Variants in LIN28B observed in about 807,000 individuals in gnomAD.
LIN28B encodes protein lin-28 homolog B.
Under a neutral mutation model 21.9 loss-of-function variants are expected in LIN28B, and 5 were observed. The observed-to-expected ratio is 0.23, with a 90% CI of 0.12 to 0.48. LIN28B has a LOEUF of 0.48. LIN28B is among the 20% of genes least tolerant of loss of function. The pLI, the probability that LIN28B is intolerant of heterozygous loss-of-function variation, is 0.98. For synonymous variants in LIN28B, 109 were observed against 111.3 expected (o/e 0.98, Z 0.13); for missense variants, 245 against 310.5 (o/e 0.79, Z 1.58).
chr6:104,976,588 A>G (rs755512333), intron 2 of LIN28B, among the ~76,000 whole-genome samples: 12 of 152,226 alleles, frequency 7.9e-5, no homozygotes, highest in South Asian at 2.1e-4. Context: ...AAGTGCCAAG[A>G]TAACAGCATT....
chr6:105,036,723 T>A (rs1562101265), intron 3 of LIN28B, among the ~76,000 whole-genome samples: 1 of 152,174 alleles, frequency 6.6e-6, no homozygotes, highest in Non-Finnish European at 1.5e-5. Flanking sequence ...CTGATTATAA[T>A]AAATAATAAA....
chr6:105,052,388 A>G (rs186625284), intron 3 of LIN28B, among the ~76,000 whole-genome samples: 1 of 152,188 alleles, frequency 6.6e-6, no homozygotes, highest in African/African-American at 2.4e-5. Context: ...GAAGTCCAAG[A>G]TCAAGGGGCA....
At chr6:104,950,210 T>G (rs1478760507) in intron 2 of LIN28B, among the ~76,000 whole-genome samples, 2 of 152,278 alleles carry the variant, frequency 1.3e-5, no homozygotes, top group East Asian at 3.9e-4. Context: ...ATCTTTTGAC[T>G]GCATCTTAAT....
intron 2 of LIN28B, among the ~76,000 whole-genome samples, chr6:104,991,197 C>T (rs1384612276): frequency 2.0e-5 from 3 of 150,688 alleles, no homozygotes; most frequent in African/African-American, 4.9e-5. Context: ...ACGCCCCCCA[C>T]CTCCCTCCCA....
In LIN28B at chr6:105,005,480, T is replaced by C. The variant is rs1459836958; in HGVS notation, c.199-20818T>C. On this transcript the variant is annotated intron_variant, in intron 2 of 3. Transcript: ENST00000345080. The stretch of plus-strand genomic sequence containing the variant: ...TAACCTTTTTTACTCTTTGATATGG[T>C]TTCAATTTGTGTCCCTGCCCAAGTC... 2.0e-5 allele frequency among the ~76,000 whole-genome samples: 3 copies of C among 152,204 alleles called. No individual in the cohort carries two copies. The East Asian group carries it at 5.8e-4, about 29-fold the overall frequency.
chr6:104,970,888 C>G (rs1268812304), intron 2 of LIN28B, among the ~76,000 whole-genome samples: 2 of 152,122 alleles, frequency 1.3e-5, no homozygotes, highest in African/African-American at 4.8e-5. Context: ...AAAATCCTAT[C>G]CACCTCCTGT....
At chr6:104,959,594 T>C (rs1355226179) in intron 2 of LIN28B, among the ~76,000 whole-genome samples, 1 of 152,208 alleles carries the variant, frequency 6.6e-6, no homozygotes, top group Non-Finnish European at 1.5e-5. Context: ...GCTGTTTATA[T>C]GTGGAAGGAT....
At chr6:105,026,206 A>C in intron 2 of LIN28B, 92 bp from the exon 3 acceptor site, 1 of 644,092 alleles carries the variant, frequency 1.6e-6, no homozygotes, top group East Asian at 3.0e-5. Flanking sequence ...ATGACAGAGT[A>C]TCTTTCTTTT....
chr6:104,958,574 T>C (rs911555740), intron 2 of LIN28B, among the ~76,000 whole-genome samples: 1 of 152,188 alleles, frequency 6.6e-6, no homozygotes, highest in Non-Finnish European at 1.5e-5. Context: ...TCTTGTTGTT[T>C]CCGGTATTAC....
intron 3 of LIN28B, among the ~76,000 whole-genome samples, chr6:105,063,635 CGG>C (rs762449779): frequency 0.024 from 2,339 of 97,920 alleles, 71 homozygotes; most frequent in African/African-American, 0.068. Context: ...GACTCCATCT[CGG>C]GGGGGGGGGG....
intron 2 of LIN28B, among the ~76,000 whole-genome samples, chr6:104,995,769 C>G (rs192636989): frequency 1.5e-3 from 233 of 151,962 alleles, no homozygotes; most frequent in Non-Finnish European, 2.6e-3. Context: ...CATTTTTACT[C>G]AACAGCATGT....
rs566096277 is a variant in LIN28B, at chr6:104,991,539, G to A, written c.198+33253G>A. Among the ~76,000 whole-genome samples the A allele has an allele frequency of 5.8e-4, 88 of 151,340 alleles. No individual in the cohort carries two copies. The South Asian group carries it at 0.016, about 27-fold the overall frequency. On this transcript the variant is annotated intron_variant, in intron 2 of 3. Transcript: ENST00000345080. ...TCCTCACTTCCCAGACTGGGCAGCCGGGCAGAGGGCCTCCTCACATCCCAG... is the reference window on the plus strand; with the variant it reads ...TCCTCACTTCCCAGACTGGGCAGCCAGGCAGAGGGCCTCCTCACATCCCAG...
chr6:105,069,179 C>T (rs1376187888), intron 3 of LIN28B, among the ~76,000 whole-genome samples: 1 of 152,166 alleles, frequency 6.6e-6, no homozygotes, highest in Non-Finnish European at 1.5e-5. Context: ...GATTGTGCCA[C>T]TGCACTCCAG....
intron 3 of LIN28B, among the ~76,000 whole-genome samples, chr6:105,075,215 T>C (rs1268683830): frequency 6.6e-6 from 1 of 152,216 alleles, no homozygotes; most frequent in Non-Finnish European, 1.5e-5. Flanking sequence ...TGGACACACA[T>C]GATATTTTTA....
intron 3 of LIN28B, among the ~76,000 whole-genome samples, chr6:105,049,012 T>G (rs1356753340): frequency 6.6e-6 from 1 of 152,166 alleles, no homozygotes; most frequent in East Asian, 1.9e-4. Context: ...GTGTCTCTAT[T>G]TCCTTCAGTT....
intron 2 of LIN28B, among the ~76,000 whole-genome samples, chr6:104,960,083 T>C (rs149484420): frequency 2.4e-4 from 37 of 152,308 alleles, no homozygotes; most frequent in Admixed American, 2.0e-3. Context: ...ATATAGCTGT[T>C]TCTATACTAT....
At chr6:105,042,824 C>T (rs72926228) in intron 3 of LIN28B, among the ~76,000 whole-genome samples, 15,604 of 152,176 alleles carry the variant, frequency 0.1, 1,005 homozygotes, top group Non-Finnish European at 0.15. Flanking sequence ...TTTTTCTCCC[C>T]TCTCATTGTG....
At chr6:104,984,840 A>G (rs1054573232) in intron 2 of LIN28B, among the ~76,000 whole-genome samples, 1 of 152,252 alleles carries the variant, frequency 6.6e-6, no homozygotes, top group African/African-American at 2.4e-5. Context: ...CGAATTAGAT[A>G]ACAGTTTTTG....
chr6:104,955,045 C>A (rs750040747), upstream of LIN28B, among the ~76,000 whole-genome samples: 1 of 152,092 alleles, frequency 6.6e-6, no homozygotes, highest in African/African-American at 2.4e-5. Context: ...TGAATACTTT[C>A]TGAGATTTTT....
Sources: allele counts gnomAD v4.1 joint callset (sites outside exome capture counted in the v4.1 genomes callset), GRCh38; gene constraint gnomAD v4.1.1; transcripts MANE v1.5; gene names NCBI Gene and HGNC (gene_info 2026-07-23, HGNC 2026-07-21).